Variants in CHML observed in about 807,000 individuals in gnomAD.
The protein encoded by CHML is rab proteins geranylgeranyltransferase component A 2.
CHML carries 20 observed loss-of-function variants against 30.4 expected under a neutral mutation model. The ratio of observed to expected loss-of-function variants is 0.66; its 90% CI spans 0.46 to 0.95. The LOEUF (loss-of-function observed/expected upper bound fraction) is 0.95, where lower values mean the gene tolerates loss of function less well. CHML is among the 40% of genes least tolerant of loss of function. CHML has a pLI of 0.00. For synonymous variants in CHML, 281 were observed against 275.0 expected, an observed-to-expected ratio of 1.02 and a Z score of -0.22; for missense variants, 795 against 768.5, an observed-to-expected ratio of 1.03 and a Z score of -0.41.
intron 1 of CHML, among the ~76,000 whole-genome samples, chr1:241,639,001 AT>A (rs1327615562): frequency 2.0e-5 from 3 of 152,248 alleles, no homozygotes; most frequent in Non-Finnish European, 4.4e-5. Flanking sequence ...ACACAAAAAA[AT>A]AATTTCCTTT....
chr1:241,634,357 T>G lies in CHML; in HGVS notation c.1410A>C (p.Leu470Phe). Residue 470 changes from leucine (L) to phenylalanine (F), a missense_variant, in exon 2 of 2, where the codon TTA becomes TTC. By Grantham distance (22) the Leu-to-Phe change is conservative. Transcript: ENST00000366553. ...ITDQSILKTD[L>F]DQQTSILIVP... The stretch of plus-strand genomic sequence containing the variant: ...CTATCAGAATGGAAGTCTGCTGATC[T>G]AAATCTGTCTTTAGTATAGACTGAT... 6.2e-7 allele frequency: 1 copy of G among 1,614,036 alleles called. No individual in the cohort carries two copies. The highest frequency in any genetic ancestry group is 2.2e-5 in the East Asian group (1 of 44,884).
chr1:241,637,442 C>T (rs929331410), intron 1 of CHML, among the ~76,000 whole-genome samples: 5 of 152,124 alleles, frequency 3.3e-5, no homozygotes, highest in African/African-American at 1.2e-4. Context: ...GTTGCCTGGC[C>T]CACTCAAGTA....
At chr1:241,639,251 A>T (rs1665019121) in intron 1 of CHML, 1 of 152,254 alleles carries the variant, frequency 6.6e-6, no homozygotes, top group Non-Finnish European at 1.5e-5. Flanking sequence ...CCCATCTATA[A>T]GACGGAAAAT....
At position 241,635,421 on chromosome 1, in the gene CHML, T is replaced by C. The variant is rs1243069543; in HGVS notation, c.346A>G (p.Ile116Val). Residue 116 changes from isoleucine (I) to valine (V), a missense_variant, in exon 2 of 2, where the codon ATT becomes GTT. Coordinates refer to ENST00000366553, the MANE Select transcript of CHML (RefSeq NM_001381853.1). ...SQDMEDNVEE[I>V]GALQKNPSLG... ...GAAGGATTTTTCTGCAGAGCACCAA[T>C]CTCTTCAACGTTGTCCTCCATATCC... 4.3e-6 allele frequency: 7 copies of C among 1,613,900 alleles called. No individual in the cohort carries two copies. The African/African-American group carries it at 5.3e-5, about 12-fold the overall frequency.
In CHML at chr1:241,635,614, G is replaced by A. The variant is rs1001239538; in HGVS notation, c.153C>T (p.Ser51=). 1 of 1,614,096 alleles carries A rather than the reference G, an allele frequency of 6.2e-7. No homozygotes were observed. The highest frequency in any genetic ancestry group is 8.5e-7 in the Non-Finnish European group (1 of 1,179,938). ...TCAACCAGGATAGCAATCCTGAAAA[G>A]CTGAAACTAGCCCAGTTTCCTCCAT... ...SYYGGNWASF[S]FSGLLSWLKE... is the part of the protein sequence containing the mutation. Residue 51 remains serine, a synonymous_variant, in exon 2 of 2, where the codon AGC becomes AGT. Transcript: ENST00000366553.
In CHML at chr1:241,632,220, G is replaced by A. The variant is rs1035886128; in HGVS notation, c.*1576C>T. On this transcript the variant is annotated 3_prime_UTR_variant, in exon 2 of 2. Coordinates refer to ENST00000366553, the MANE Select transcript of CHML (RefSeq NM_001381853.1). ...TAGTTCTCATTCTCTCTTGTCCACC[G>A]CCATGTAAGACGTGCCTTTCACCTT... 25 of 152,926 alleles carry A rather than the reference G, an allele frequency of 1.6e-4. No individual in the cohort carries two copies. Among genetic ancestry groups the A allele is most frequent in the Non-Finnish European group, 2.9e-4 (20 of 68,738 alleles). The allele number at this position is 152,926 out of a possible 1,614,324, so 9.5% of individuals were successfully genotyped here.
rs1405828467 is a variant in CHML, at chr1:241,640,018, G to A, written c.-444C>T. The A allele has an allele frequency of 6.2e-7, 1 of 1,613,544 alleles. No individual in the cohort carries two copies. The highest frequency in any genetic ancestry group is 1.1e-5 in the South Asian group (1 of 91,014). The stretch of plus-strand genomic sequence containing the variant: ...GGTCGCTGAGGCTGATGTTGACCAG[G>A]AGGAGGTGAGTGGGAGTGCGGAGCC... On this transcript the variant is annotated 5_prime_UTR_variant, in exon 1 of 2. Transcript: ENST00000366553.
chr1:241,629,362 A>C lies in CHML; in HGVS notation c.*4434T>G, dbSNP rs557566435. ...TGCTGCTATAAGGACACATGCAATT[A>C]AAACAGTTTTGCTAATACAATAGCA... On this transcript the variant is annotated 3_prime_UTR_variant, in exon 2 of 2. Transcript: ENST00000366553. 1 of 152,302 alleles carries C rather than the reference A, an allele frequency of 6.6e-6. No individual in the cohort carries two copies. The highest frequency in any genetic ancestry group is 2.4e-5 in the African/African-American group (1 of 41,586). 9.4% of individuals were successfully genotyped at this position (152,302 alleles called of 1,614,324 possible).
Position 241,629,499 on chromosome 1 carries a change from C to T in CHML, c.*4297G>A, listed in dbSNP as rs146435802. 1.3e-5 allele frequency: 2 copies of T among 152,166 alleles called. No homozygotes were observed. The highest frequency in any genetic ancestry group is 4.8e-5 in the African/African-American group (2 of 41,538). The allele number at this position is 152,166 out of a possible 1,614,324, so 9.4% of individuals were successfully genotyped here. ...TTATAAATTTGCCTAAGAGTACAAA[C>T]CCTTATGGATATGCATATAGTTTTA... On this transcript the variant is annotated 3_prime_UTR_variant, in exon 2 of 2. Coordinates refer to ENST00000366553, the MANE Select transcript of CHML (RefSeq NM_001381853.1).
chr1:241,629,977 C>T lies in CHML; in HGVS notation c.*3819G>A, dbSNP rs1256059789. The stretch of plus-strand genomic sequence containing the variant: ...GCTTGCTTTCCTAAATAATTTATTA[C>T]AATTATGCCATATTCCACACAGCAA... On this transcript the variant is annotated 3_prime_UTR_variant, in exon 2 of 2. Coordinates refer to ENST00000366553, the MANE Select transcript of CHML (RefSeq NM_001381853.1). 3 of 151,994 alleles carry T rather than the reference C, an allele frequency of 2.0e-5. No individual in the cohort carries two copies. The highest frequency in any genetic ancestry group is 2.9e-5 in the Non-Finnish European group (2 of 67,928). The allele number at this position is 151,994 out of a possible 1,614,324, so 9.4% of individuals were successfully genotyped here.
intron 1 of CHML, among the ~76,000 whole-genome samples, chr1:241,638,686 C>T (rs556649682): frequency 6.6e-6 from 1 of 152,084 alleles, no homozygotes; most frequent in East Asian, 1.9e-4. Flanking sequence ...CAGATTAAAG[C>T]TTATGAGGGG....
chr1:241,640,286 G>T lies in CHML; in HGVS notation c.-712C>A. 1 of 1,157,904 alleles carries T rather than the reference G, an allele frequency of 8.6e-7. No individual in the cohort carries two copies. The highest frequency in any genetic ancestry group is 4.3e-5 in the East Asian group (1 of 23,460). The allele number at this position is 1,157,904 out of a possible 1,614,324, so 71.7% of individuals were successfully genotyped here. A position where few individuals can be genotyped will look rare whatever the true frequency, so the allele number is the denominator to read the frequency against. ...GCGCCGGCGCGCCTGGCGGGCGGAG[G>T]CGCTCAGCTTGCGGCGGGGCTCGCG... On this transcript the variant is annotated 5_prime_UTR_variant, in exon 1 of 2. Coordinates refer to ENST00000366553, the MANE Select transcript of CHML (RefSeq NM_001381853.1).
chr1:241,638,398 C>T (rs1664985323), intron 1 of CHML, among the ~76,000 whole-genome samples: 1 of 152,108 alleles, frequency 6.6e-6, no homozygotes, highest in Non-Finnish European at 1.5e-5. Context: ...TTCAAACTCC[C>T]GGGCACGAAA....
In CHML at chr1:241,634,869, A is replaced by G; in HGVS notation, c.898T>C (p.Phe300Leu). The G allele has an allele frequency of 6.2e-7, 1 of 1,609,644 alleles. No individual in the cohort carries two copies. Among genetic ancestry groups the G allele is most frequent in the Non-Finnish European group, 8.5e-7 (1 of 1,178,366 alleles). Residue 300 changes from phenylalanine (F) to leucine (L), a missense_variant, in exon 2 of 2, where the codon TTT (phenylalanine) becomes CTT (leucine). By Grantham distance (22) the Phe-to-Leu change is conservative (BLOSUM62 0). Transcript: ENST00000366553. ...TCATACTCTAAACAAAATGTGAGAA[A>G]TTTCATTAGCATCCTCTTTTCAACC... Reference protein sequence around the residue: ...TMVEKRMLMKFLTFCLEYEQH... With the variant: ...TMVEKRMLMKLLTFCLEYEQH...
In CHML at chr1:241,633,763, A is replaced by T. The variant is rs1214384321; in HGVS notation, c.*33T>A. On this transcript the variant is annotated 3_prime_UTR_variant, in exon 2 of 2. Transcript: ENST00000366553. ...TGAGAAAATTCTGATGCCATGAAGG[A>T]GGTCCAAAACAGCATTTCGAGATTG... The T allele has an allele frequency of 1.2e-6, 2 of 1,606,610 alleles. No individual in the cohort carries two copies. The highest frequency in any genetic ancestry group is 1.3e-5 in the African/African-American group (1 of 74,306).
rs745801766 is a variant in CHML at position 241,639,998 on chromosome 1, C to A, written c.-424G>T. On this transcript the variant is annotated 5_prime_UTR_variant, in exon 1 of 2. Transcript: ENST00000366553. ...CCCGAAGAGGGACACCAGCAGGTCGCTGAGGCTGATGTTGACCAGGAGGAG... is the reference window on the plus strand; with the variant it reads ...CCCGAAGAGGGACACCAGCAGGTCGATGAGGCTGATGTTGACCAGGAGGAG... The A allele has an allele frequency of 6.2e-7, 1 of 1,613,068 alleles. No homozygotes were observed. Among genetic ancestry groups the A allele is most frequent in the Non-Finnish European group, 8.5e-7 (1 of 1,179,614 alleles).
Position 241,639,983 on chromosome 1 carries a change from G to A in CHML, c.-409C>T. ...GAAGGTAAAGGTGACCCCGAAGAGG[G>A]ACACCAGCAGGTCGCTGAGGCTGAT... On this transcript the variant is annotated 5_prime_UTR_variant, in exon 1 of 2. Coordinates refer to ENST00000366553, the MANE Select transcript of CHML (RefSeq NM_001381853.1). The A allele has an allele frequency of 6.2e-7, 1 of 1,612,748 alleles. No homozygotes were observed. The highest frequency in any genetic ancestry group is 8.5e-7 in the Non-Finnish European group (1 of 1,179,464).
At position 241,630,108 on chromosome 1, in the gene CHML, TC is replaced by T. The variant is rs1664569969; in HGVS notation, c.*3687del. 6.6e-6 allele frequency: 1 copy of T among 152,062 alleles called. No homozygotes were observed. The highest frequency in any genetic ancestry group is 1.5e-5 in the Non-Finnish European group (1 of 67,958). 9.4% of individuals were successfully genotyped at this position (152,062 alleles called of 1,614,324 possible). A position where few individuals can be genotyped will look rare whatever the true frequency, so the allele number is the denominator to read the frequency against. On this transcript the variant is annotated 3_prime_UTR_variant, in exon 2 of 2. Transcript: ENST00000366553. ...TTTTAAAACACATTATCTAACTTAA[TC>T]CCCACAATAATTCTGTGAAGTATTT...
chr1:241,634,811 T>C lies in CHML; in HGVS notation c.956A>G (p.Gln319Arg), dbSNP rs752149615. ...TTTTAAGTATTCTGAAAATGAACAC[T>C]GCCTGAAAGCTTGGTATTCATCAGG... ...QHPDEYQAFRQCSFSEYLKTK... is the reference protein window; with the variant it reads ...QHPDEYQAFRRCSFSEYLKTK... The change falls in exon 2 of 2, where the codon CAG (glutamine) becomes CGG (arginine). Residue 319 changes from glutamine (Q) to arginine (R), a missense_variant. Coordinates refer to ENST00000366553, the MANE Select transcript of CHML (RefSeq NM_001381853.1). 6.2e-7 allele frequency: 1 copy of C among 1,613,758 alleles called. No individual in the cohort carries two copies. Among genetic ancestry groups the C allele is most frequent in the South Asian group, 1.1e-5 (1 of 91,046 alleles).
Sources: allele counts gnomAD v4.1 joint callset (sites outside exome capture counted in the v4.1 genomes callset), GRCh38; gene constraint gnomAD v4.1.1; transcripts MANE v1.5; gene names NCBI Gene and HGNC (gene_info 2026-07-23, HGNC 2026-07-21).